TRPV3: variants seen among roughly 807,000 people sequenced by gnomAD.
TRPV3 encodes the protein transient receptor potential cation channel subfamily V member 3, also known as VRL-3.
In TRPV3, 88 loss-of-function variants were observed where a neutral mutation model predicts 87.1. The ratio of observed to expected loss-of-function variants is 1.01; its 90% CI spans 0.85 to 1.21. The LOEUF (loss-of-function observed/expected upper bound fraction) is 1.21, where lower values mean the gene tolerates loss of function less well. Among genes scored for constraint, TRPV3 ranks in the 50% most tolerant of loss-of-function variants. TRPV3 has a pLI of 0.00. For synonymous variants in TRPV3, 438 were observed against 423.3 expected, an observed-to-expected ratio of 1.03 and a Z score of -0.43; for missense variants, 1,054 against 1,030.1, an observed-to-expected ratio of 1.02 and a Z score of -0.32.
intron 14 of TRPV3, among the ~76,000 whole-genome samples, chr17:3,519,889 A>ATGG (rs2074229034): frequency 5.5e-4 from 19 of 34,408 alleles, no homozygotes; most frequent in South Asian, 2.5e-3. Context: ...TGGATGGATG[A>ATGG]TTGGATGGAT....
chr17:3,550,421 A>G (rs868705152), intron 2 of TRPV3, among the ~76,000 whole-genome samples: 1 of 151,636 alleles, frequency 6.6e-6, no homozygotes, highest in Admixed American at 6.6e-5. Flanking sequence ...GCATTTCCTC[A>G]TCACTCCATA....
intron 7 of TRPV3, among the ~76,000 whole-genome samples, chr17:3,534,470 C>T (rs1647572832): frequency 6.6e-6 from 1 of 152,098 alleles, no homozygotes; most frequent in Non-Finnish European, 1.5e-5. Flanking sequence ...GACTGGGTGG[C>T]AGGAGGGGTC....
intron 7 of TRPV3, 42 bp downstream of exon 7, chr17:3,535,531 T>G: frequency 1.5e-6 from 2 of 1,293,798 alleles, no homozygotes; most frequent in Non-Finnish European, 2.0e-6. Flanking sequence ...GTCTCCCTCC[T>G]CCCTCCTCCC....
intron 2 of TRPV3, among the ~76,000 whole-genome samples, chr17:3,549,521 G>T (rs747464186): frequency 6.6e-6 from 1 of 152,238 alleles, no homozygotes; most frequent in African/African-American, 2.4e-5. Context: ...GACTTCATCA[G>T]TGAATGAGTG....
At chr17:3,523,185 T>C (rs1013695664) in intron 13 of TRPV3, among the ~76,000 whole-genome samples, 2 of 152,230 alleles carry the variant, frequency 1.3e-5, no homozygotes, top group African/African-American at 4.8e-5. Context: ...TCTGCAGCCT[T>C]TACATTATGT....
At chr17:3,535,758 A>G in intron 6 of TRPV3, 45 bp from the exon 7 acceptor site, 1 of 1,419,468 alleles carries the variant, frequency 7.0e-7, no homozygotes, top group Non-Finnish European at 9.2e-7. Context: ...CGCCGGGCAC[A>G]GGGGCCTCTT....
intron 2 of TRPV3, among the ~76,000 whole-genome samples, chr17:3,547,275 C>A (rs1288648315): frequency 6.6e-6 from 1 of 152,188 alleles, no homozygotes; most frequent in Non-Finnish European, 1.5e-5. Context: ...GTTATACTTG[C>A]CCCCGCTGAT....
In TRPV3 at chr17:3,513,642, G is replaced by C. The variant is rs973656371; in HGVS notation, c.*275C>G. ...TTGGTAAAACCAGAGGCTTCACCCG[G>C]GACTTCAGGAGGCTCCCAGGCTCCA... On this transcript the variant is annotated 3_prime_UTR_variant, in exon 18 of 18. Transcript: ENST00000576742. The C allele has an allele frequency of 2.8e-6, 1 of 351,278 alleles. No individual in the cohort carries two copies. The highest frequency in any genetic ancestry group is 4.3e-5 in the Admixed American group (1 of 23,472). The allele number at this position is 351,278 out of a possible 1,614,324, so 21.8% of individuals were successfully genotyped here. A position where few individuals can be genotyped will look rare whatever the true frequency, so the allele number is the denominator to read the frequency against.
chr17:3,517,810 C>CT lies in TRPV3; in HGVS notation c.2085+765dup, dbSNP rs71153363. 5.1e-3 allele frequency among the ~76,000 whole-genome samples: 578 copies of CT among 113,166 alleles called. 8 individuals are homozygous for CT. Among genetic ancestry groups the CT allele is most frequent in the African/African-American group, 0.018 (545 of 29,724 alleles). The allele number at this position is 113,166 out of a possible 152,430, so 74.2% of individuals were successfully genotyped here. A position where few individuals can be genotyped will look rare whatever the true frequency, so the allele number is the denominator to read the frequency against. ...GCTCACCTTTTTCCAATGAGCATTT[C>CT]TTTTTTTTTTTTTTTTTCTATTTTT... On this transcript the variant is annotated intron_variant, in intron 15 of 17. Coordinates refer to ENST00000576742, the MANE Select transcript of TRPV3 (RefSeq NM_145068.4).
At chr17:3,535,755 C>A (rs2150795519) in intron 6 of TRPV3, 42 bp from the exon 7 acceptor site, 1 of 1,422,436 alleles carries the variant, frequency 7.0e-7, no homozygotes, top group Non-Finnish European at 9.2e-7. Context: ...CAGCGCCGGG[C>A]ACAGGGGCCT....
At chr17:3,552,479 C>G (rs910747190) in intron 2 of TRPV3, 3 of 152,338 alleles carry the variant, frequency 2.0e-5, no homozygotes, top group Non-Finnish European at 4.4e-5. Context: ...CAGGCGTGAG[C>G]CACCGCGCCC....
At position 3,530,595 on chromosome 17, in the gene TRPV3, C is replaced by T. The variant is rs558649647; in HGVS notation, c.1066-392G>A. 1.3e-5 allele frequency among the ~76,000 whole-genome samples: 2 copies of T among 152,140 alleles called. No homozygotes were observed. The highest frequency in any genetic ancestry group is 1.9e-4 in the East Asian group (1 of 5,180). Reference sequence around the variant, plus strand: ...GAGAAGAAGCCAGAAGTGTTCTCAGCGTCCCCAGCCCACCCTAAGCCAAGA... The same window carrying T: ...GAGAAGAAGCCAGAAGTGTTCTCAGTGTCCCCAGCCCACCCTAAGCCAAGA... On this transcript the variant is annotated intron_variant, in intron 8 of 17. Transcript: ENST00000576742. The surrounding 1 kb of genome is among the most constrained non-coding windows in gnomAD (Gnocchi z 4.0).
At chr17:3,555,916 C>T (rs369330952) in intron 1 of TRPV3, among the ~76,000 whole-genome samples, 1 of 152,164 alleles carries the variant, frequency 6.6e-6, no homozygotes, top group African/African-American at 2.4e-5. Context: ...GTGGCTCACA[C>T]CTGTAATCCC....
chr17:3,532,956 G>A lies in TRPV3; in HGVS notation c.785-19C>T, dbSNP rs771001197. ...GTCTCACCTGGGGGATGAGCGCACT[G>A]AAGCTTGGTTCTCTCATGGGCCGGA... On this transcript the variant is annotated intron_variant, in intron 7 of 17. Coordinates refer to ENST00000576742, the MANE Select transcript of TRPV3 (RefSeq NM_145068.4). The A allele has an allele frequency of 4.3e-6, 7 of 1,611,346 alleles. No homozygotes were observed. Among genetic ancestry groups the A allele is most frequent in the Non-Finnish European group, 1.7e-6 (2 of 1,178,770 alleles).
At chr17:3,536,698 C>G (rs977230323) in intron 6 of TRPV3, among the ~76,000 whole-genome samples, 1 of 152,178 alleles carries the variant, frequency 6.6e-6, no homozygotes. Flanking sequence ...GGAGAAAGAG[C>G]CTTCAGGATG....
At position 3,543,525 on chromosome 17, in the gene TRPV3, G is replaced by A. The variant is rs150701364; in HGVS notation, c.415C>T (p.Leu139=). The change falls in exon 5 of 18, where the codon CTG becomes TTG. Residue 139 remains leucine (L), a synonymous_variant. Transcript: ENST00000576742. ...EGCVEELVEL[L]VELQELCRRR... is the part of the protein sequence containing the mutation. The stretch of plus-strand genomic sequence containing the variant: ...CTGCAAAGCTCCTGCAGCTCCACCA[G>A]CAACTCTACCAACTCCTCCACGCAG... 1,011 of 1,613,978 alleles carry A rather than the reference G, an allele frequency of 6.3e-4. 2 individuals are homozygous for A. The highest frequency in any genetic ancestry group is 8.5e-4 in the Admixed American group (51 of 60,018).
intron 16 of TRPV3, among the ~76,000 whole-genome samples, chr17:3,515,541 G>A (rs1597463965): frequency 2.6e-5 from 4 of 152,208 alleles, no homozygotes; most frequent in African/African-American, 9.6e-5. Flanking sequence ...TATGCCTGCA[G>A]TCCCAGCTAC....
In TRPV3 at chr17:3,513,985, T is replaced by C; in HGVS notation, c.2305A>G (p.Arg769Gly). 2 of 1,614,008 alleles carry C rather than the reference T, an allele frequency of 1.2e-6. No homozygotes were observed. Among genetic ancestry groups the C allele is most frequent in the South Asian group, 1.1e-5 (1 of 91,012 alleles). The change falls in exon 18 of 18, where the codon AGG becomes GGG. Residue 769 changes from arginine to glycine, a missense_variant. Coordinates refer to ENST00000576742, the MANE Select transcript of TRPV3 (RefSeq NM_145068.4). ...TDFNKIQDSS[R>G]NNSKTTLNAF... is the part of the protein sequence containing the mutation. ...TTGAGAGTGGTTTTGCTGTTGTTCC[T>C]GGAAGAATCTTGGATTTTGTTGAAA...
At chr17:3,521,838 G>A (rs559669904) in intron 13 of TRPV3, among the ~76,000 whole-genome samples, 2 of 152,312 alleles carry the variant, frequency 1.3e-5, no homozygotes, top group South Asian at 4.1e-4. Flanking sequence ...CACTTTGAGA[G>A]GCTGAGGTGG....
Sources: gnomAD v4.1 joint callset for allele counts (sites outside exome capture counted in the v4.1 genomes callset) on GRCh38, gnomAD v4.1.1 for gene constraint, Gnocchi (gnomAD v3.1) non-coding constraint, MANE v1.5 for transcripts, NCBI Gene and HGNC (gene_info 2026-07-23, HGNC 2026-07-21) for gene names.